MRPS9: variants seen among roughly 807,000 people sequenced by gnomAD.
MRPS9 encodes the protein small ribosomal subunit protein uS9m.
MRPS9 carries 45 observed loss-of-function variants against 59.9 expected under a neutral mutation model. The ratio of observed to expected loss-of-function variants is 0.75; its 90% CI spans 0.59 to 0.96. MRPS9 has a LOEUF of 0.96. MRPS9 is among the 40% of genes least tolerant of loss of function. The pLI is 0.00. For synonymous variants in MRPS9, 171 were observed against 166.8 expected (o/e 1.03, Z -0.19); for missense variants, 473 against 481.1 (o/e 0.98, Z 0.16).
intron 2 of MRPS9, 42 bp downstream of exon 2, chr2:105,049,392 T>G: frequency 6.5e-7 from 1 of 1,543,718 alleles, no homozygotes; most frequent in Non-Finnish European, 8.8e-7. Flanking sequence ...TGCTGTAGAG[T>G]TTTAGATATT....
chr2:105,041,623 AT>A (rs1028946242), intron 1 of MRPS9, among the ~76,000 whole-genome samples: 14 of 151,596 alleles, frequency 9.2e-5, no homozygotes, highest in Non-Finnish European at 1.3e-4. Context: ...ATCTTAATAC[AT>A]TTTTTTTGAC....
chr2:105,043,170 A>G (rs1679530641), intron 1 of MRPS9, among the ~76,000 whole-genome samples: 1 of 152,154 alleles, frequency 6.6e-6, no homozygotes, highest in African/African-American at 2.4e-5. Context: ...AGCTTTTTGT[A>G]TATAGTTGGT....
chr2:105,052,835 A>G (rs1268445742), intron 2 of MRPS9, among the ~76,000 whole-genome samples: 1 of 152,150 alleles, frequency 6.6e-6, no homozygotes, highest in African/African-American at 2.4e-5. Context: ...TGTGTCCCAG[A>G]GTAACTGTTC....
At chr2:105,043,893 G>C (rs1461239481) in intron 1 of MRPS9, among the ~76,000 whole-genome samples, 1 of 150,618 alleles carries the variant, frequency 6.6e-6, no homozygotes, top group East Asian at 2.0e-4. Flanking sequence ...TTGGCTTCCG[G>C]AAGTGCTGGG....
intron 5 of MRPS9, among the ~76,000 whole-genome samples, chr2:105,084,018 G>A (rs930037493): frequency 6.6e-6 from 1 of 152,014 alleles, no homozygotes; most frequent in African/African-American, 2.4e-5. Context: ...TTTTACGACT[G>A]ATATCAGCCC....
chr2:105,054,365 A>G (rs1392067889), intron 2 of MRPS9, among the ~76,000 whole-genome samples: 1 of 152,222 alleles, frequency 6.6e-6, no homozygotes, highest in African/African-American at 2.4e-5. Flanking sequence ...ACTGTTGGGT[A>G]CATTGATTTA....
chr2:105,068,971 G>A (rs1441511971), intron 2 of MRPS9, among the ~76,000 whole-genome samples: 2 of 152,170 alleles, frequency 1.3e-5, no homozygotes, highest in East Asian at 1.9e-4. Context: ...CAGATTGCTA[G>A]GGAAATATAT....
chr2:105,049,557 A>C (rs1171220304), intron 2 of MRPS9, among the ~76,000 whole-genome samples: 2 of 152,240 alleles, frequency 1.3e-5, no homozygotes, highest in Non-Finnish European at 2.9e-5. Flanking sequence ...GGTGTTACCT[A>C]GAAATGAGTC....
chr2:105,057,637 T>C (rs1197965257), intron 2 of MRPS9, among the ~76,000 whole-genome samples: 1 of 152,218 alleles, frequency 6.6e-6, no homozygotes, highest in African/African-American at 2.4e-5. Flanking sequence ...AACATCTCCT[T>C]GTGCTAGAGC....
chr2:105,061,884 T>G (rs1679913288), intron 2 of MRPS9, among the ~76,000 whole-genome samples: 1 of 152,186 alleles, frequency 6.6e-6, no homozygotes, highest in Admixed American at 6.5e-5. Context: ...TGCTTTGTTC[T>G]AGGAGAAAGA....
At chr2:105,072,968 C>T (rs917386496) in intron 4 of MRPS9, among the ~76,000 whole-genome samples, 2 of 152,038 alleles carry the variant, frequency 1.3e-5, no homozygotes, top group African/African-American at 2.4e-5. Context: ...TAAATGAAGA[C>T]TATGTTAAAA....
At chr2:105,072,621 A>G (rs1032060229) in intron 4 of MRPS9, among the ~76,000 whole-genome samples, 6 of 152,084 alleles carry the variant, frequency 3.9e-5, no homozygotes, top group African/African-American at 1.2e-4. Flanking sequence ...GTGTGGATCT[A>G]CTTGAGAATA....
At chr2:105,046,666 C>T (rs1478106865) in intron 1 of MRPS9, among the ~76,000 whole-genome samples, 1 of 152,002 alleles carries the variant, frequency 6.6e-6, no homozygotes. Context: ...CTCCAGGAGG[C>T]ACATTTCCTG....
intron 1 of MRPS9, among the ~76,000 whole-genome samples, chr2:105,039,404 T>C (rs1241990863): frequency 1.3e-5 from 2 of 151,816 alleles, no homozygotes; most frequent in Non-Finnish European, 2.9e-5. Context: ...TACATACGCA[T>C]GATTATGAGA....
intron 4 of MRPS9, among the ~76,000 whole-genome samples, chr2:105,077,796 C>G (rs369807947): frequency 1.3e-5 from 2 of 152,116 alleles, no homozygotes; most frequent in African/African-American, 4.8e-5. Context: ...TATGATAACT[C>G]AGTTAAAGAT....
At chr2:105,082,679 C>T (rs1357117481) in intron 5 of MRPS9, among the ~76,000 whole-genome samples, 1 of 152,024 alleles carries the variant, frequency 6.6e-6, no homozygotes, top group Non-Finnish European at 1.5e-5. Context: ...TGTTCCTGCC[C>T]AGAAATGAAG....
intron 2 of MRPS9, among the ~76,000 whole-genome samples, chr2:105,055,586 GACCCCTTTT>G (rs1679777439): frequency 6.6e-6 from 1 of 150,940 alleles, no homozygotes; most frequent in African/African-American, 2.4e-5. Context: ...AAATATAGCG[GACCCCTTTT>G]GGTATTGCAT....
In MRPS9 at chr2:105,042,319, C is replaced by CT. The variant is rs1266492799; in HGVS notation, c.135+4092_135+4093insT. On this transcript the variant is annotated intron_variant, in intron 1 of 10. Transcript: ENST00000258455. ...TTCTTGCAGGCTGTCGGGCTGAAGG[C>CT]CCCAGGTCCTTGCTGGCTGTTGGCC... Among the ~76,000 whole-genome samples, 5 of 152,248 alleles carry CT rather than the reference C, an allele frequency of 3.3e-5. No individual in the cohort carries two copies. The East Asian group carries it at 7.7e-4, about 23-fold the overall frequency.
At chr2:105,090,941 G>A (rs1680545525) in intron 7 of MRPS9, among the ~76,000 whole-genome samples, 1 of 152,140 alleles carries the variant, frequency 6.6e-6, no homozygotes, top group Non-Finnish European at 1.5e-5. Flanking sequence ...CAGACAATTG[G>A]TTAGTGGTAG....
Sources: allele counts gnomAD v4.1 joint callset (sites outside exome capture counted in the v4.1 genomes callset), GRCh38; gene constraint gnomAD v4.1.1; transcripts MANE v1.5; gene names NCBI Gene and HGNC (gene_info 2026-07-23, HGNC 2026-07-21).